IFI16: variants seen among roughly 807,000 people sequenced by gnomAD.
IFI16 encodes interferon gamma inducible protein 16, also known as gamma-interferon-inducible protein 16.
Under a neutral mutation model 68.4 loss-of-function variants are expected in IFI16, and 49 were observed. That is an observed-to-expected ratio of 0.72 (90% confidence interval 0.57 to 0.91). The LOEUF (loss-of-function observed/expected upper bound fraction) is 0.91. IFI16 is among the 40% of genes least tolerant of loss of function. IFI16 has a pLI of 0.00. For missense variants in IFI16, 878 were observed against 942.9 expected (o/e 0.93, Z 0.90); for synonymous variants, 307 against 315.0 (o/e 0.97, Z 0.27).
chr1:159,003,850 CG>C (rs1156244504), upstream of IFI16, among the ~76,000 whole-genome samples: 4 of 151,868 alleles, frequency 2.6e-5, no homozygotes, highest in African/African-American at 4.8e-5. Flanking sequence ...TTAGTAGAGA[CG>C]GGGTTTCACT....
In IFI16 at chr1:159,018,234, G is replaced by A. The variant is rs370784049; in HGVS notation, c.555G>A (p.Pro185=). The A allele has an allele frequency of 3.7e-5, 59 of 1,612,906 alleles. No homozygotes were observed. The highest frequency in any genetic ancestry group is 1.6e-4 in the Middle Eastern group (1 of 6,074). ...TCCTGTGCTATCATACACAGAACCC[G>A]AAAACAGTGGCCAAATGTCAGGTAA... ...APPNSSSTEN[P]KTVAKCQVTP... Residue 185 remains proline, a synonymous_variant, in exon 5 of 12, where the codon CCG becomes CCA. Transcript: ENST00000295809.
At chr1:159,048,114 A>G (rs780211320) in intron 8 of IFI16, among the ~76,000 whole-genome samples, 2 of 150,500 alleles carry the variant, frequency 1.3e-5, no homozygotes, top group Admixed American at 1.3e-4. Flanking sequence ...TATGCTTCCT[A>G]TATTACCTCC....
intron 2 of IFI16, chr1:159,015,632 G>A: frequency 2.2e-6 from 1 of 445,686 alleles, no homozygotes. Flanking sequence ...TGTGCTCAGT[G>A]CACAGGGGAG....
intron 5 of IFI16, 88 bp downstream of exon 5, chr1:159,018,739 A>G: frequency 3.2e-6 from 3 of 924,212 alleles, no homozygotes; most frequent in Non-Finnish European, 5.0e-6. Flanking sequence ...TTGCCTATAA[A>G]CTGGATATTA....
chr1:159,051,255 C>T (rs562173103), intron 9 of IFI16, among the ~76,000 whole-genome samples: 2 of 152,132 alleles, frequency 1.3e-5, no homozygotes, highest in South Asian at 2.1e-4. Flanking sequence ...GGACAGCTGC[C>T]TCCACGGACC....
At chr1:159,050,353 T>G (rs889241561) in intron 9 of IFI16, among the ~76,000 whole-genome samples, 2 of 152,242 alleles carry the variant, frequency 1.3e-5, no homozygotes, top group Non-Finnish European at 2.9e-5. Context: ...CTTCTTTCAT[T>G]GCCCTCAGAG....
chr1:159,053,608 C>A lies in IFI16; in HGVS notation c.2161C>A (p.Arg721=), dbSNP rs566021708. The A allele has an allele frequency of 3.5e-5, 56 of 1,613,272 alleles. No homozygotes were observed. The highest frequency in any genetic ancestry group is 4.5e-5 in the Non-Finnish European group (53 of 1,179,456). The change falls in exon 11 of 12, where the codon CGA becomes AGA. Residue 721 remains arginine, a synonymous_variant. Transcript: ENST00000295809. ...GAAGATGGAAGTGGTGGTGCATGGA[C>A]GACTGACCACAATCAACTGTGAGGA... ...TGKMEVVVHG[R]LTTINCEEGD...
chr1:159,031,063 A>G (rs780678163), intron 6 of IFI16, among the ~76,000 whole-genome samples: 14 of 152,112 alleles, frequency 9.2e-5, no homozygotes, highest in Non-Finnish European at 1.9e-4. Flanking sequence ...TATATTCCCA[A>G]GGGAATTATG....
At chr1:159,028,709 T>C (rs992756162) in intron 6 of IFI16, among the ~76,000 whole-genome samples, 46 of 152,098 alleles carry the variant, frequency 3.0e-4, no homozygotes, top group African/African-American at 1.0e-3. Context: ...AGTGTTAGGA[T>C]TGTGACATTT....
At chr1:159,052,811 G>A (rs1190716278) in intron 10 of IFI16, 1 of 151,794 alleles carries the variant, frequency 6.6e-6, no homozygotes, top group South Asian at 2.1e-4. Context: ...GTGCCTTTCA[G>A]TCTCTACACA....
intron 7 of IFI16, among the ~76,000 whole-genome samples, chr1:159,038,378 A>C (rs577104344): frequency 3.0e-4 from 46 of 152,154 alleles, no homozygotes; most frequent in Non-Finnish European, 6.0e-4. Flanking sequence ...GGGTCTCTAT[A>C]TATTGGAGAT....
At chr1:159,026,521 AC>A (rs1343122519) in intron 6 of IFI16, among the ~76,000 whole-genome samples, 1 of 151,336 alleles carries the variant, frequency 6.6e-6, no homozygotes, top group Non-Finnish European at 1.5e-5. Context: ...CTGGTCTCAA[AC>A]TCCTGACCTC....
At chr1:159,020,084 G>A (rs1014125374) in intron 5 of IFI16, among the ~76,000 whole-genome samples, 6 of 152,180 alleles carry the variant, frequency 3.9e-5, no homozygotes, top group African/African-American at 1.4e-4. Flanking sequence ...AAGCTGCCCT[G>A]TAGGTGAAAG....
intron 6 of IFI16, among the ~76,000 whole-genome samples, chr1:159,030,877 G>GGGA (rs1553209153): frequency 0.032 from 15 of 470 alleles, no homozygotes; most frequent in African/African-American, 0.061. Context: ...GGTGGTGGGT[G>GGGA]GGGGGGCCAC....
At chr1:159,035,678 G>T in intron 7 of IFI16, among the ~76,000 whole-genome samples, 1 of 152,034 alleles carries the variant, frequency 6.6e-6, no homozygotes, top group East Asian at 1.9e-4. Context: ...TGATCATAGG[G>T]TTTCCCAAAG....
chr1:159,029,392 T>G (rs1653862571), intron 6 of IFI16, among the ~76,000 whole-genome samples: 1 of 152,186 alleles, frequency 6.6e-6, no homozygotes, highest in Non-Finnish European at 1.5e-5. Flanking sequence ...ATAAATTACC[T>G]GATACTTTGC....
chr1:159,006,213 G>A (rs558519577), upstream of IFI16, among the ~76,000 whole-genome samples: 25 of 152,250 alleles, frequency 1.6e-4, no homozygotes, highest in Non-Finnish European at 2.6e-4. Context: ...CCAAAGAGAC[G>A]GCTAATGCTC....
chr1:159,032,865 T>A (rs1308126034), intron 7 of IFI16, among the ~76,000 whole-genome samples, 174 bp downstream of exon 7: 1 of 152,136 alleles, frequency 6.6e-6, no homozygotes, highest in Non-Finnish European at 1.5e-5. Context: ...CACCACATCA[T>A]AATCTTTACT....
chr1:159,044,240 A>T (rs1440690329), intron 7 of IFI16, among the ~76,000 whole-genome samples: 2 of 152,194 alleles, frequency 1.3e-5, no homozygotes, highest in African/African-American at 4.8e-5. Flanking sequence ...CACAGATAGT[A>T]TTAGAGTCAG....
Sources: gnomAD v4.1 joint callset for allele counts (sites outside exome capture counted in the v4.1 genomes callset) on GRCh38, gnomAD v4.1.1 for gene constraint, MANE v1.5 for transcripts, NCBI Gene and HGNC (gene_info 2026-07-23, HGNC 2026-07-21) for gene names.